Variants in ALDH18A1 observed in about 807,000 individuals in gnomAD.
The protein encoded by ALDH18A1 is aldehyde dehydrogenase 18 family member A1.
In ALDH18A1, 44 loss-of-function variants were observed where a neutral mutation model predicts 88.8. The ratio of observed to expected loss-of-function variants is 0.50; its 90% CI spans 0.39 to 0.64. ALDH18A1 has a LOEUF of 0.64. Among genes scored for constraint, ALDH18A1 ranks in the 30% least tolerant of loss-of-function variants. The probability of loss-of-function intolerance (pLI) is 0.00; values close to 1 mark genes in which losing one functional copy is unlikely to be tolerated. For synonymous variants in ALDH18A1, 331 were observed against 372.1 expected (o/e 0.89, Z 1.27); for missense variants, 782 against 1,009.5 (o/e 0.77, Z 3.05).
At chr10:95,641,489 G>C (rs2097891320) in intron 3 of ALDH18A1, among the ~76,000 whole-genome samples, 1 of 103,316 alleles carries the variant, frequency 9.7e-6, no homozygotes, top group Admixed American at 1.2e-4. Flanking sequence ...TGTTGTTCTG[G>C]GTGTTTTTTG....
chr10:95,645,917 T>C (rs536576267), intron 2 of ALDH18A1, among the ~76,000 whole-genome samples: 2 of 152,324 alleles, frequency 1.3e-5, no homozygotes, highest in East Asian at 3.9e-4. Context: ...ATAGGTACCC[T>C]ACTCTGCTTT....
intron 9 of ALDH18A1, 93 bp downstream of exon 9, chr10:95,627,349 A>G: frequency 1.3e-6 from 2 of 1,519,428 alleles, no homozygotes; most frequent in Non-Finnish European, 1.8e-6. Context: ...GCCATATTTC[A>G]TAATATTAGC....
intron 3 of ALDH18A1, among the ~76,000 whole-genome samples, chr10:95,638,275 G>A (rs982346314): frequency 7.2e-5 from 11 of 151,982 alleles, no homozygotes; most frequent in South Asian, 2.1e-4. Flanking sequence ...CTCCTGCCAC[G>A]GCCTCCCAAA....
At chr10:95,650,425 G>A (rs189536741) in intron 2 of ALDH18A1, among the ~76,000 whole-genome samples, 17 of 152,310 alleles carry the variant, frequency 1.1e-4, no homozygotes, top group African/African-American at 2.9e-4. Flanking sequence ...GTTGGAGGTG[G>A]GGCCTGGTAG....
rs183196442 is a variant in ALDH18A1 at position 95,649,755 on chromosome 10, C to T, written c.88+3535G>A. Among the ~76,000 whole-genome samples the T allele has an allele frequency of 3.3e-3, 505 of 152,196 alleles. 2 individuals carry two copies. Among genetic ancestry groups the T allele is most frequent in the African/African-American group, 0.012 (478 of 41,524 alleles). Reference sequence around the variant, plus strand: ...AATTAGCTGGATATGGTGGTGCACGCCTATAGTCCCAGCTACTTGGGAGGC... The same window carrying T: ...AATTAGCTGGATATGGTGGTGCACGTCTATAGTCCCAGCTACTTGGGAGGC... On this transcript the variant is annotated intron_variant, in intron 2 of 17. Transcript: ENST00000371224.
intron 3 of ALDH18A1, among the ~76,000 whole-genome samples, chr10:95,640,217 C>G (rs2097888796): frequency 7.3e-6 from 1 of 136,106 alleles, no homozygotes; most frequent in African/African-American, 2.8e-5. Context: ...TTCCCCTTTA[C>G]TCATCCATTT....
At chr10:95,617,255 A>G (rs920262136) in intron 12 of ALDH18A1, among the ~76,000 whole-genome samples, 28 of 152,168 alleles carry the variant, frequency 1.8e-4, no homozygotes, top group Non-Finnish European at 1.0e-4. Context: ...GCAAACAAAC[A>G]AATAAAGCAA....
intron 2 of ALDH18A1, 128 bp downstream of exon 2, chr10:95,653,162 T>G (rs753350344): frequency 3.6e-5 from 32 of 881,132 alleles, no homozygotes; most frequent in Non-Finnish European, 5.2e-5. Context: ...CACTCCAGCC[T>G]GTGTGACAAA....
At chr10:95,650,619 T>C (rs1362966513) in intron 2 of ALDH18A1, among the ~76,000 whole-genome samples, 1 of 152,160 alleles carries the variant, frequency 6.6e-6, no homozygotes, top group Non-Finnish European at 1.5e-5. Context: ...CTCCCCTTCA[T>C]CCTCTTCCAA....
chr10:95,610,334 A>T, intron 16 of ALDH18A1, 42 bp from the exon 17 acceptor site: 1 of 1,586,042 alleles, frequency 6.3e-7, no homozygotes, highest in South Asian at 1.1e-5. Flanking sequence ...GATGATACCC[A>T]GAGAACATCC....
In ALDH18A1 at chr10:95,611,383, C is replaced by T. The variant is rs562987600; in HGVS notation, c.1983G>A (p.Val661=). 7 of 1,614,194 alleles carry T rather than the reference C, an allele frequency of 4.3e-6. No individual in the cohort carries two copies. Among genetic ancestry groups the T allele is most frequent in the Admixed American group, 1.7e-5 (1 of 60,024 alleles). The change falls in exon 16 of 18, where the codon GTG becomes GTA. Residue 661 remains valine, a synonymous_variant. Coordinates refer to ENST00000371224, the MANE Select transcript of ALDH18A1 (RefSeq NM_002860.4). The part of the protein sequence containing the change: ...ASYLTFSPSE[V]KSLRTEYGDL... ...CCCCATACTCAGTTCGGAGTGACTT[C>T]ACTTCGGAGGGGCTGAAGGTCAGAT...
At chr10:95,629,845 G>A (rs2097865543) in intron 7 of ALDH18A1, among the ~76,000 whole-genome samples, 2 of 152,046 alleles carry the variant, frequency 1.3e-5, no homozygotes, top group Non-Finnish European at 2.9e-5. Context: ...GTCTACCAAT[G>A]ACCCGATTTT....
At chr10:95,619,451 CAGAACCAAAAA>C (rs2097848799) in intron 12 of ALDH18A1, among the ~76,000 whole-genome samples, 1 of 152,058 alleles carries the variant, frequency 6.6e-6, no homozygotes, top group African/African-American at 2.4e-5. Context: ...AAAGTTCATA[CAGAACCAAAAA>C]AGAGCCCGCA....
At position 95,606,678 on chromosome 10, in the gene ALDH18A1, G is replaced by C; in HGVS notation, c.*84C>G. ...ACAGGCAGACCCTACCAGGAACTGG[G>C]AGACAAGAGCGGGCTCTCTCCTGAG... is the stretch of plus-strand genomic sequence containing the variant. On this transcript the variant is annotated 3_prime_UTR_variant, in exon 18 of 18. Transcript: ENST00000371224. 6.2e-7 allele frequency: 1 copy of C among 1,611,836 alleles called. No homozygotes were observed. The highest frequency in any genetic ancestry group is 1.7e-5 in the Admixed American group (1 of 60,014).
chr10:95,626,750 T>C lies in ALDH18A1; in HGVS notation c.1105A>G (p.Met369Val). ...AACATCCTTCCTCCAGATCGCGCCA[T>C]TTCTCCCTGCTGCTCAACAGTAGGG... Reference protein sequence around the residue: ...AGPTVEQQGEMARSGGRMLAT... With the variant: ...AGPTVEQQGEVARSGGRMLAT... The change falls in exon 10 of 18, where the codon ATG becomes GTG. Residue 369 changes from methionine to valine, a missense_variant. Met to Val is a conservative substitution (Grantham distance 21). This residue lies in a region of ALDH18A1 where 556 missense variants were observed against 654.5 expected (regional missense o/e 0.85). Transcript: ENST00000371224. The C allele has an allele frequency of 6.2e-7, 1 of 1,613,968 alleles. No homozygotes were observed. Among genetic ancestry groups the C allele is most frequent in the Non-Finnish European group, 8.5e-7 (1 of 1,179,888 alleles).
At chr10:95,623,569 G>A (rs549754918) in intron 11 of ALDH18A1, among the ~76,000 whole-genome samples, 9 of 151,654 alleles carry the variant, frequency 5.9e-5, no homozygotes, top group East Asian at 1.9e-4. Context: ...TACCACGGCC[G>A]GCTTTTTTTT....
At position 95,628,875 on chromosome 10, in the gene ALDH18A1, T is replaced by C. The variant is rs914950132; in HGVS notation, c.809-383A>G. On this transcript the variant is annotated intron_variant, in intron 7 of 17. Coordinates refer to ENST00000371224, the MANE Select transcript of ALDH18A1 (RefSeq NM_002860.4). ...AAGGGTGGCTATTGCAGAAACAGCATAGCAGCCATATACTGTTTAATGTGA... is the reference window on the plus strand; with the variant it reads ...AAGGGTGGCTATTGCAGAAACAGCACAGCAGCCATATACTGTTTAATGTGA... 3 of 327,302 alleles carry C rather than the reference T, an allele frequency of 9.2e-6. No individual in the cohort carries two copies. In the East Asian group the frequency reaches 2.3e-4, roughly 25 times the overall value. 20.3% of individuals were successfully genotyped at this position (327,302 alleles called of 1,614,324 possible). A position where few individuals can be genotyped will look rare whatever the true frequency, so the allele number is the denominator to read the frequency against.
At chr10:95,626,833 TA>T (rs1345426938) in intron 9 of ALDH18A1, 57 bp from the exon 10 acceptor site, 11 of 1,576,486 alleles carry the variant, frequency 7.0e-6, no homozygotes, top group Non-Finnish European at 8.7e-6. Flanking sequence ...TCTCTAGTTC[TA>T]CTACTAGAGA....
chr10:95,646,294 A>G (rs562929962), intron 2 of ALDH18A1, among the ~76,000 whole-genome samples: 2 of 152,310 alleles, frequency 1.3e-5, no homozygotes, highest in Non-Finnish European at 2.9e-5. Context: ...GCCAATCAGA[A>G]TCCAGCAGCC....
Sources: gnomAD v4.1 joint callset for allele counts (sites outside exome capture counted in the v4.1 genomes callset) on GRCh38, gnomAD v4.1.1 for gene constraint, gnomAD v4.1.1 regional missense constraint, MANE v1.5 for transcripts, NCBI Gene and HGNC (gene_info 2026-07-23, HGNC 2026-07-21) for gene names.